The following TNRC6C variants were observed in gnomAD, a reference collection of about 807,000 sequenced individuals.
TNRC6C encodes trinucleotide repeat containing adaptor 6C, also known as trinucleotide repeat-containing gene 6C protein.
In TNRC6C, 20 loss-of-function variants were observed where a neutral mutation model predicts 153.7. The observed-to-expected ratio is 0.13, with a 90% CI of 0.09 to 0.19. The LOEUF (loss-of-function observed/expected upper bound fraction) is 0.19, where lower values mean the gene tolerates loss of function less well. Among genes scored for constraint, TNRC6C ranks in the 10% least tolerant of loss-of-function variants. The pLI is 1.00. For synonymous variants in TNRC6C, 811 were observed against 841.4 expected (o/e 0.96, Z 0.63); for missense variants, 1,987 against 2,172.0 (o/e 0.91, Z 1.69).
intron 3 of TNRC6C, among the ~76,000 whole-genome samples, chr17:78,060,227 A>G (rs931659968): frequency 3.9e-5 from 6 of 152,168 alleles, no homozygotes; most frequent in Non-Finnish European, 7.3e-5. Context: ...GTTTCATTGT[A>G]CAAAGACCCA....
chr17:78,011,661 T>C (rs946205348), intron 1 of TNRC6C, among the ~76,000 whole-genome samples: 1 of 152,250 alleles, frequency 6.6e-6, no homozygotes, highest in Non-Finnish European at 1.5e-5. Flanking sequence ...ACAAGTCTTA[T>C]ATGGCTATAT....
At chr17:78,009,378 T>C (rs1188805967) in intron 1 of TNRC6C, among the ~76,000 whole-genome samples, 6 of 152,166 alleles carry the variant, frequency 3.9e-5, no homozygotes, top group Non-Finnish European at 8.8e-5. Flanking sequence ...GTTTTTTTAA[T>C]GATTAACTAT....
intron 1 of TNRC6C, among the ~76,000 whole-genome samples, chr17:77,961,627 G>T (rs1455249371): frequency 6.6e-6 from 1 of 152,120 alleles, no homozygotes; most frequent in Non-Finnish European, 1.5e-5. Context: ...TATTGCGGGG[G>T]GCGAGGGTGG....
chr17:77,965,639 A>G (rs1277720085), intron 1 of TNRC6C, among the ~76,000 whole-genome samples: 3 of 152,168 alleles, frequency 2.0e-5, no homozygotes, highest in Non-Finnish European at 4.4e-5. Flanking sequence ...GCCCTCCTGG[A>G]GCTGTCTTAC....
At chr17:78,100,485 C>CA (rs1464194157) in intron 17 of TNRC6C, among the ~76,000 whole-genome samples, 1 of 152,202 alleles carries the variant, frequency 6.6e-6, no homozygotes, top group Non-Finnish European at 1.5e-5. Context: ...AGCCATGGCC[C>CA]AAACTGTACC....
At chr17:77,958,414 C>A (rs921457957), upstream of TNRC6C, among the ~76,000 whole-genome samples, 3 of 151,970 alleles carry the variant, frequency 2.0e-5, 1 homozygote, top group African/African-American at 2.4e-5. Flanking sequence ...GCGCGCACCG[C>A]TCGCACCCCG....
rs377148817 is a variant in TNRC6C at position 78,104,897 on chromosome 17, G to A, written c.*52G>A. 9 of 1,377,730 alleles carry A rather than the reference G, an allele frequency of 6.5e-6. No homozygotes were observed. The highest frequency in any genetic ancestry group is 1.7e-5 in the South Asian group (1 of 59,682). 85.3% of individuals were successfully genotyped at this position (1,377,730 alleles called of 1,614,324 possible). On this transcript the variant is annotated 3_prime_UTR_variant, in exon 20 of 20. Transcript: ENST00000301624. This position sits in a 1 kb window ranked among gnomAD's most constrained non-coding sequence, Gnocchi z 6.2. ...GCCGACCCCTCCCGGGACCCCTCCC[G>A]GCTGGGCGGCCCCACAGACCCGCTG...
chr17:78,085,174 C>G (rs1458475223), intron 11 of TNRC6C, among the ~76,000 whole-genome samples: 1 of 152,104 alleles, frequency 6.6e-6, no homozygotes, highest in Non-Finnish European at 1.5e-5. Flanking sequence ...ATTGCTGCAG[C>G]CCTGACACAG....
chr17:78,004,573 T>C (rs2071464360), upstream of TNRC6C, among the ~76,000 whole-genome samples: 1 of 152,168 alleles, frequency 6.6e-6, no homozygotes, highest in Admixed American at 6.5e-5. Flanking sequence ...GTCTAATAAA[T>C]GAAGAAGGGC....
upstream of TNRC6C, chr17:78,004,396 C>G: frequency 2.8e-6 from 3 of 1,064,186 alleles, no homozygotes; most frequent in Non-Finnish European, 3.6e-6. Context: ...CTATAATTAG[C>G]GAATAATAGA....
At chr17:78,026,601 C>G (rs2071945974) in intron 1 of TNRC6C, among the ~76,000 whole-genome samples, 2 of 152,184 alleles carry the variant, frequency 1.3e-5, no homozygotes, top group African/African-American at 2.4e-5. Flanking sequence ...GGGAGTTTAG[C>G]ACTTGCTGAA....
At chr17:78,008,174 G>T (rs1050887750) in intron 1 of TNRC6C, among the ~76,000 whole-genome samples, 1 of 152,118 alleles carries the variant, frequency 6.6e-6, no homozygotes, top group South Asian at 2.1e-4. Flanking sequence ...GACTAATGCC[G>T]AACTGAAGCT....
intron 5 of TNRC6C, among the ~76,000 whole-genome samples, 199 bp downstream of exon 7, chr17:78,068,122 T>G (rs2072919593): frequency 1.3e-5 from 2 of 152,218 alleles, no homozygotes; most frequent in African/African-American, 4.8e-5. Flanking sequence ...ACTGTCTTTT[T>G]CATTTGAAGT....
intron 17 of TNRC6C, among the ~76,000 whole-genome samples, chr17:78,098,786 G>C (rs1324511345): frequency 6.6e-6 from 1 of 152,200 alleles, no homozygotes; most frequent in Non-Finnish European, 1.5e-5. Flanking sequence ...GTCCCAGGCA[G>C]TTCCAGCACC....
chr17:77,973,535 G>T (rs2070958620), intron 1 of TNRC6C, among the ~76,000 whole-genome samples: 1 of 152,200 alleles, frequency 6.6e-6, no homozygotes, highest in South Asian at 2.1e-4. Flanking sequence ...GGATTAGAAA[G>T]GAAGCGGTGA....
At chr17:78,102,326 C>T (rs775598187) in intron 17 of TNRC6C, 148 bp from the exon 21 acceptor site, 31 of 669,324 alleles carry the variant, frequency 4.6e-5, no homozygotes, top group Non-Finnish European at 7.1e-5. Context: ...CCAAAGATAG[C>T]ATGGGCCTCC....
At chr17:77,982,456 A>G (rs551699453) in intron 1 of TNRC6C, among the ~76,000 whole-genome samples, 179 of 152,344 alleles carry the variant, frequency 1.2e-3, no homozygotes, top group Non-Finnish European at 2.2e-3. Flanking sequence ...CTACCAAGCT[A>G]ATAGAGAAGG....
At chr17:78,102,937 G>C (rs1295067134) in intron 18 of TNRC6C, 7 of 239,784 alleles carry the variant, frequency 2.9e-5, no homozygotes, top group African/African-American at 1.6e-4. Context: ...AAGAGTTGGA[G>C]ACCAGCCTGG....
chr17:77,964,948 A>G (rs1248666554), intron 1 of TNRC6C, among the ~76,000 whole-genome samples: 1 of 152,184 alleles, frequency 6.6e-6, no homozygotes, highest in East Asian at 1.9e-4. Flanking sequence ...TGTGGGAACA[A>G]GTACATTTGA....
Sources: gnomAD v4.1 joint callset for allele counts (sites outside exome capture counted in the v4.1 genomes callset) on GRCh38, gnomAD v4.1.1 for gene constraint, Gnocchi (gnomAD v3.1) non-coding constraint, MANE v1.5 for transcripts, NCBI Gene and HGNC (gene_info 2026-07-23, HGNC 2026-07-21) for gene names.